Variants in SNX25 observed in about 807,000 individuals in gnomAD.
SNX25 encodes sorting nexin 25, also known as sorting nexin-25.
In SNX25, 62 loss-of-function variants were observed where a neutral mutation model predicts 113.7. That is an observed-to-expected ratio of 0.55 (90% CI 0.44 to 0.67). SNX25 has a LOEUF of 0.67. Ranked by LOEUF, SNX25 falls within the 30% of genes least tolerant of loss-of-function variation. The pLI is 0.00. For synonymous variants in SNX25, 421 were observed against 436.2 expected (o/e 0.97, Z 0.43); for missense variants, 1,014 against 1,161.0 (o/e 0.87, Z 1.84).
At chr4:185,327,090 A>G (rs2095162125) in intron 9 of SNX25, among the ~76,000 whole-genome samples, 1 of 152,240 alleles carries the variant, frequency 6.6e-6, no homozygotes, top group Non-Finnish European at 1.5e-5. Context: ...ATGCCTCCTT[A>G]TAATCTTTTT....
At chr4:185,225,274 C>T (rs1579358609) in intron 1 of SNX25, among the ~76,000 whole-genome samples, 1 of 152,152 alleles carries the variant, frequency 6.6e-6, no homozygotes, top group African/African-American at 2.4e-5. Flanking sequence ...GCCCACTACT[C>T]GGGCTAACGC....
At chr4:185,320,936 G>GCTTGAGAAAAACAGAC in intron 8 of SNX25, 72 bp downstream of exon 8, 1 of 1,360,618 alleles carries the variant, frequency 7.3e-7, no homozygotes, top group Non-Finnish European at 9.8e-7. Flanking sequence ...CAGCATGTCT[G>GCTTGAGAAAAACAGAC]TTTTTCTCAA....
intron 16 of SNX25, 60 bp from the exon 17 acceptor site, chr4:185,361,864 T>C: frequency 1.3e-6 from 2 of 1,544,434 alleles, no homozygotes; most frequent in Non-Finnish European, 1.8e-6. Context: ...TAAGTGCCTT[T>C]TGAGAATAGA....
downstream of SNX25, chr4:185,367,303 CT>C (rs138875428): frequency 0.23 from 237,539 of 1,043,040 alleles, 3,185 homozygotes; most frequent in East Asian, 0.31. Context: ...GGTCTTTCTT[CT>C]TTTTTTTTTT....
chr4:185,286,075 G>A (rs762517783), intron 5 of SNX25, among the ~76,000 whole-genome samples: 2 of 151,618 alleles, frequency 1.3e-5, no homozygotes, highest in East Asian at 1.9e-4. Context: ...ACCACACCTG[G>A]CCTTTTTCTG....
At chr4:185,299,341 C>T (rs1489148658) in intron 6 of SNX25, among the ~76,000 whole-genome samples, 1 of 152,154 alleles carries the variant, frequency 6.6e-6, no homozygotes. Context: ...GCCTAAAGGG[C>T]CTGGGAGTTA....
At chr4:185,345,789 CAA>C (rs527619447) in intron 12 of SNX25, among the ~76,000 whole-genome samples, 2 of 142,264 alleles carry the variant, frequency 1.4e-5, no homozygotes. Flanking sequence ...GACCCTGTTT[CAA>C]AAAAAAAAAG....
intron 1 of SNX25, among the ~76,000 whole-genome samples, chr4:185,211,046 C>G (rs1737707410): frequency 6.6e-6 from 1 of 152,220 alleles, no homozygotes. Flanking sequence ...ACACTCACTG[C>G]TTGACTGAGT....
rs759354002 is a variant in SNX25, at chr4:185,332,650, A to G, written c.1805A>G (p.Asn602Ser). ...EAVDDGTNQI[N>S]EQASFAVNKL... ...GTGGATGATGGTACCAATCAGATCA[A>G]TGAACAAGCCAGTTTTGCTGTAAAC... Residue 602 changes from asparagine to serine, a missense_variant, in exon 10 of 19, where the codon AAT becomes AGT. Physicochemically the swap from Asn to Ser is conservative, Grantham distance 46 (BLOSUM62 1). Coordinates refer to ENST00000652585, the MANE Select transcript of SNX25 (RefSeq NM_001378034.2). The G allele has an allele frequency of 1.7e-4, 270 of 1,614,050 alleles. No homozygotes were observed. Among genetic ancestry groups the G allele is most frequent in the Non-Finnish European group, 2.1e-4 (252 of 1,180,016 alleles).
At chr4:185,320,917 C>A in intron 8 of SNX25, 53 bp downstream of exon 8, 1 of 1,454,786 alleles carries the variant, frequency 6.9e-7, no homozygotes, top group Admixed American at 2.4e-5. Flanking sequence ...GTAAACTTGG[C>A]ATGTGAGGCA....
intron 1 of SNX25, among the ~76,000 whole-genome samples, chr4:185,212,305 T>A (rs3108285): frequency 0.54 from 79,233 of 145,906 alleles, 20,974 homozygotes; most frequent in East Asian, 0.64. Context: ...AAAAAAAAAA[T>A]TTTTTTTTAA....
At chr4:185,225,950 T>C (rs1262391564) in intron 1 of SNX25, among the ~76,000 whole-genome samples, 1 of 152,206 alleles carries the variant, frequency 6.6e-6, no homozygotes, top group African/African-American at 2.4e-5. Flanking sequence ...CTGATTCAGA[T>C]TTAAAACAAC....
chr4:185,342,946 A>G (rs889633908), intron 12 of SNX25, among the ~76,000 whole-genome samples: 4 of 152,138 alleles, frequency 2.6e-5, no homozygotes, highest in Non-Finnish European at 4.4e-5. Context: ...GCTGGAGTCC[A>G]GTGGCGTGAT....
At chr4:185,365,601 G>T (rs915274671), downstream of SNX25, 1 of 150,140 alleles carries the variant, frequency 6.7e-6, no homozygotes, top group African/African-American at 2.5e-5. Context: ...TGATCTGCCC[G>T]CCTCAGCCTC....
chr4:185,319,087 TTTTATTTTTTTTA>T (rs550024249), intron 7 of SNX25, among the ~76,000 whole-genome samples: 2 of 95,376 alleles, frequency 2.1e-5, no homozygotes, highest in Non-Finnish European at 4.2e-5. Flanking sequence ...CTTTATTTTA[TTTTATTTTTTTTA>T]TTTTTTTTTT....
At chr4:185,368,085 G>C (rs2095397043), downstream of SNX25, among the ~76,000 whole-genome samples, 1 of 152,182 alleles carries the variant, frequency 6.6e-6, no homozygotes, top group Non-Finnish European at 1.5e-5. Context: ...GGCTGAGCCA[G>C]GAGAATGGCG....
chr4:185,224,086 C>A (rs1349044639), intron 1 of SNX25, among the ~76,000 whole-genome samples: 1 of 152,170 alleles, frequency 6.6e-6, no homozygotes, highest in Non-Finnish European at 1.5e-5. Flanking sequence ...GGCACAGTGG[C>A]TCACGCCTGT....
intron 1 of SNX25, among the ~76,000 whole-genome samples, chr4:185,228,330 A>G (rs1428096658): frequency 6.6e-6 from 1 of 151,818 alleles, no homozygotes; most frequent in Non-Finnish European, 1.5e-5. Flanking sequence ...TGATGGAGAC[A>G]TGCCTGGGGG....
chr4:185,367,940 G>A (rs1397079853), downstream of SNX25, among the ~76,000 whole-genome samples: 1 of 152,170 alleles, frequency 6.6e-6, no homozygotes, highest in African/African-American at 2.4e-5. Context: ...AGCACTTTGG[G>A]AGGCCGAGGT....
Sources: allele counts gnomAD v4.1 joint callset (sites outside exome capture counted in the v4.1 genomes callset), GRCh38; gene constraint gnomAD v4.1.1; transcripts MANE v1.5; gene names NCBI Gene and HGNC (gene_info 2026-07-23, HGNC 2026-07-21).